CPNE8: variants seen among roughly 807,000 people sequenced by gnomAD.
CPNE8 encodes copine 8.
A neutral mutation model predicts 81.5 loss-of-function variants in CPNE8; 45 were observed. The observed-to-expected ratio is 0.55, with a 90% confidence interval of 0.44 to 0.71. The LOEUF (loss-of-function observed/expected upper bound fraction) is 0.71. Among genes scored for constraint, CPNE8 ranks in the 30% least tolerant of loss-of-function variants. The pLI, the probability that CPNE8 is intolerant of heterozygous loss-of-function variation, is 0.00. For synonymous variants in CPNE8, 252 were observed against 226.3 expected (o/e 1.11, Z -1.02); for missense variants, 594 against 672.1 (o/e 0.88, Z 1.28).
intron 6 of CPNE8, among the ~76,000 whole-genome samples, chr12:38,814,910 T>A (rs1397956812): frequency 6.6e-6 from 1 of 152,230 alleles, no homozygotes; most frequent in Non-Finnish European, 1.5e-5. Context: ...GTAGTGAATA[T>A]GTCAACAATT....
At chr12:38,736,676 A>T (rs1940961191) in intron 10 of CPNE8, among the ~76,000 whole-genome samples, 1 of 152,066 alleles carries the variant, frequency 6.6e-6, no homozygotes, top group Non-Finnish European at 1.5e-5. Flanking sequence ...TATTGCTTCT[A>T]ACAAGCTGAA....
At chr12:38,733,197 G>C (rs1050448497) in intron 10 of CPNE8, among the ~76,000 whole-genome samples, 1 of 151,848 alleles carries the variant, frequency 6.6e-6, no homozygotes, top group Non-Finnish European at 1.5e-5. Flanking sequence ...GGCCAATTTT[G>C]TTATAGATCT....
At chr12:38,790,935 C>T (rs1053051329) in intron 6 of CPNE8, among the ~76,000 whole-genome samples, 2 of 151,450 alleles carry the variant, frequency 1.3e-5, no homozygotes, top group African/African-American at 4.8e-5. Context: ...TTATATCTGC[C>T]ACTGCTTTAG....
At chr12:38,796,812 C>G (rs139575229) in intron 6 of CPNE8, among the ~76,000 whole-genome samples, 1 of 152,018 alleles carries the variant, frequency 6.6e-6, no homozygotes, top group Non-Finnish European at 1.5e-5. Context: ...GGGTGACAGG[C>G]GGCACCTGGA....
chr12:38,771,196 T>A (rs758767575), intron 7 of CPNE8, among the ~76,000 whole-genome samples: 2 of 151,940 alleles, frequency 1.3e-5, no homozygotes, highest in East Asian at 1.9e-4. Context: ...TAGCGGCTCA[T>A]GACTGTAACC....
chr12:38,677,394 CTCTAAG>C, intron 17 of CPNE8, 52 bp downstream of exon 17: 1 of 909,390 alleles, frequency 1.1e-6, no homozygotes, highest in Non-Finnish European at 1.8e-6. Context: ...TCTAGTCTCT[CTCTAAG>C]TAGCACCATG....
chr12:38,711,858 G>GT (rs1467233494), intron 13 of CPNE8, among the ~76,000 whole-genome samples: 2 of 152,006 alleles, frequency 1.3e-5, no homozygotes, highest in African/African-American at 4.8e-5. Flanking sequence ...CTAAAAGTTT[G>GT]TTTTCTAAAC....
chr12:38,753,863 A>G (rs1941402657), intron 10 of CPNE8, among the ~76,000 whole-genome samples: 1 of 152,178 alleles, frequency 6.6e-6, no homozygotes. Context: ...GTCAGTATGT[A>G]CGTATAAGAA....
intron 10 of CPNE8, among the ~76,000 whole-genome samples, chr12:38,747,168 A>T (rs826860): frequency 0.13 from 19,937 of 152,240 alleles, 1,602 homozygotes; most frequent in East Asian, 0.26. Flanking sequence ...TACTAACAGT[A>T]TAATGAAACT....
chr12:38,675,982 G>C (rs60412281), intron 17 of CPNE8: 14,857 of 155,510 alleles, frequency 0.096, 2,415 homozygotes, highest in African/African-American at 0.34. Flanking sequence ...CAGGTGTGGT[G>C]GTGTGTGCCT....
chr12:38,679,429 T>C (rs1194235342), intron 16 of CPNE8: 2 of 330,728 alleles, frequency 6.0e-6, no homozygotes, highest in Non-Finnish European at 8.6e-6. Flanking sequence ...TAAAAATTCA[T>C]AGAAATTTTA....
At chr12:38,819,506 G>A (rs571821294) in intron 6 of CPNE8, among the ~76,000 whole-genome samples, 5 of 152,104 alleles carry the variant, frequency 3.3e-5, no homozygotes, top group Middle Eastern at 3.4e-3. Context: ...GGTGGCTCAC[G>A]TCTGTAATTG....
intron 13 of CPNE8, among the ~76,000 whole-genome samples, chr12:38,720,149 C>T (rs10783329): frequency 0.33 from 50,905 of 152,132 alleles, 10,206 homozygotes; most frequent in Non-Finnish European, 0.46. Flanking sequence ...AGTTGGGGCT[C>T]CACTTATAGA....
At position 38,839,072 on chromosome 12, in the gene CPNE8, A is replaced by T. The variant is rs150398309; in HGVS notation, c.330+844T>A. Among the ~76,000 whole-genome samples, 94 of 152,204 alleles carry T rather than the reference A, an allele frequency of 6.2e-4. 1 individual carries two copies. In the East Asian group the frequency reaches 0.013, roughly 21 times the overall value. On this transcript the variant is annotated intron_variant, in intron 5 of 19. Coordinates refer to ENST00000331366, the MANE Select transcript of CPNE8 (RefSeq NM_153634.3). ...CAGCCAGCCTCCTAACTCTGACACA[A>T]CTGCTAATTCTACATCTGTGTACCC...
chr12:38,690,687 G>A (rs1383519984), intron 15 of CPNE8, among the ~76,000 whole-genome samples: 1 of 152,008 alleles, frequency 6.6e-6, no homozygotes, highest in East Asian at 1.9e-4. Flanking sequence ...AAAGTGGAGG[G>A]GAGGAAAAAG....
intron 4 of CPNE8, among the ~76,000 whole-genome samples, chr12:38,845,816 T>C (rs1042424064): frequency 3.3e-5 from 5 of 152,190 alleles, no homozygotes; most frequent in Non-Finnish European, 7.3e-5. Flanking sequence ...GATGGACTTG[T>C]TACTCCTCTT....
chr12:38,861,762 G>C (rs1040083297), intron 3 of CPNE8, among the ~76,000 whole-genome samples: 3 of 152,064 alleles, frequency 2.0e-5, no homozygotes, highest in Non-Finnish European at 2.9e-5. Context: ...CAACATGCAA[G>C]AACTAGGGAA....
At chr12:38,798,502 G>C (rs1036924385) in intron 6 of CPNE8, among the ~76,000 whole-genome samples, 1 of 152,048 alleles carries the variant, frequency 6.6e-6, no homozygotes, top group East Asian at 1.9e-4. Flanking sequence ...CAAATGCTGA[G>C]AGATGTTGTC....
At chr12:38,700,065 T>A (rs1403290071) in intron 14 of CPNE8, among the ~76,000 whole-genome samples, 1 of 152,142 alleles carries the variant, frequency 6.6e-6, no homozygotes, top group Non-Finnish European at 1.5e-5. Flanking sequence ...TTTAGTTTTC[T>A]TGCCTAATGG....
Sources: allele counts gnomAD v4.1 joint callset (sites outside exome capture counted in the v4.1 genomes callset), GRCh38; gene constraint gnomAD v4.1.1; transcripts MANE v1.5; gene names NCBI Gene and HGNC (gene_info 2026-07-23, HGNC 2026-07-21).